HELLS: variants seen among roughly 807,000 people sequenced by gnomAD.
HELLS encodes the protein lymphoid-specific helicase.
HELLS carries 32 observed loss-of-function variants against 120.0 expected under a neutral mutation model. That is an observed-to-expected ratio of 0.27 (90% CI 0.20 to 0.36). The LOEUF (loss-of-function observed/expected upper bound fraction) is 0.36, where lower values mean the gene tolerates loss of function less well. Among genes scored for constraint, HELLS ranks in the 10% least tolerant of loss-of-function variants. HELLS has a pLI of 1.00. For synonymous variants in HELLS, 341 were observed against 323.4 expected, an observed-to-expected ratio of 1.05 and a Z score of -0.58; for missense variants, 650 against 993.4, an observed-to-expected ratio of 0.65 and a Z score of 4.65.
At chr10:94,560,389 C>T (rs1230992426) in intron 4 of HELLS, among the ~76,000 whole-genome samples, 2 of 152,250 alleles carry the variant, frequency 1.3e-5, no homozygotes, top group African/African-American at 2.4e-5. Flanking sequence ...TGCAACAAAA[C>T]CCATTATTTA....
intron 21 of HELLS, among the ~76,000 whole-genome samples, chr10:94,598,957 A>G (rs1845886847): frequency 6.6e-6 from 1 of 152,092 alleles, no homozygotes; most frequent in East Asian, 1.9e-4. Context: ...CCTTGATGCA[A>G]ATAATTTGAT....
intron 3 of HELLS, among the ~76,000 whole-genome samples, chr10:94,557,681 A>G (rs575577446): frequency 6.6e-5 from 10 of 152,304 alleles, no homozygotes; most frequent in South Asian, 4.2e-4. Flanking sequence ...TGAGAGAGAG[A>G]TAACAGCTGC....
intron 19 of HELLS, among the ~76,000 whole-genome samples, chr10:94,595,680 G>A (rs569881674): frequency 6.6e-6 from 1 of 152,142 alleles, no homozygotes; most frequent in East Asian, 1.9e-4. Flanking sequence ...AAAAAGTTTT[G>A]TTCCTGAGAT....
At chr10:94,588,430 A>G (rs572315124) in intron 13 of HELLS, 40 bp downstream of exon 13, 9 of 1,434,710 alleles carry the variant, frequency 6.3e-6, no homozygotes, top group East Asian at 5.0e-5. Flanking sequence ...GAAACTTGAC[A>G]TATAAAATTT....
intron 15 of HELLS, 84 bp from the exon 16 acceptor site, chr10:94,592,145 A>G: frequency 9.6e-7 from 1 of 1,043,670 alleles, no homozygotes; most frequent in Non-Finnish European, 1.4e-6. Context: ...TGGCTTTGAA[A>G]ATTGAACTTT....
chr10:94,555,013 T>C (rs1843180660), intron 3 of HELLS, among the ~76,000 whole-genome samples: 1 of 152,042 alleles, frequency 6.6e-6, no homozygotes, highest in South Asian at 2.1e-4. Context: ...TAAGGTGGCA[T>C]GTGCCTCTAG....
chr10:94,567,036 C>T lies in HELLS; in HGVS notation c.435+4160C>T, dbSNP rs567841606. On this transcript the variant is annotated intron_variant, in intron 6 of 21. Transcript: ENST00000348459. ...TTTCCTGCTCTCTTTTCCTCTTCGC[C>T]TAACTAAATTCTTTCCATTGTTTCA... Among the ~76,000 whole-genome samples the T allele has an allele frequency of 5.9e-5, 9 of 152,232 alleles. No individual in the cohort carries two copies. The East Asian group carries it at 1.7e-3, about 29-fold the overall frequency.
intron 2 of HELLS, 58 bp downstream of exon 2, chr10:94,546,556 C>G: frequency 1.2e-6 from 2 of 1,603,518 alleles, no homozygotes; most frequent in Non-Finnish European, 1.7e-6. Context: ...GGCTTTAACC[C>G]GGAGGTGTGG....
downstream of HELLS, among the ~76,000 whole-genome samples, chr10:94,605,703 C>G (rs564642349): frequency 2.7e-4 from 39 of 146,874 alleles, no homozygotes; most frequent in Non-Finnish European, 4.9e-4. Flanking sequence ...ATGAATACAG[C>G]TCACTGCAGC....
intron 6 of HELLS, among the ~76,000 whole-genome samples, chr10:94,566,349 G>C (rs1353120667): frequency 1.3e-5 from 2 of 152,030 alleles, no homozygotes; most frequent in Admixed American, 1.3e-4. Context: ...GTACAGGTAA[G>C]ATAGTGGGGG....
At chr10:94,588,102 C>A in intron 12 of HELLS, 127 bp from the exon 13 acceptor site, 2 of 491,262 alleles carry the variant, frequency 4.1e-6, no homozygotes, top group African/African-American at 2.0e-5. Flanking sequence ...ATATTTTCAC[C>A]TTTTGAGATT....
rs1203126708 is a variant in HELLS at position 94,546,512 on chromosome 10, C to T, written c.153+14C>T. On this transcript the variant is annotated intron_variant, in intron 2 of 21. Coordinates refer to ENST00000348459, the MANE Select transcript of HELLS (RefSeq NM_018063.5). ...ATGCTGGAAAAGGTAATTTAGGCATCAGGTTCGTCGTCGTGAAAGCCTGTG... is the reference window on the plus strand; with the variant it reads ...ATGCTGGAAAAGGTAATTTAGGCATTAGGTTCGTCGTCGTGAAAGCCTGTG... The T allele has an allele frequency of 1.9e-6, 3 of 1,613,756 alleles. No homozygotes were observed. Among genetic ancestry groups the T allele is most frequent in the East Asian group, 2.2e-5 (1 of 44,874 alleles).
chr10:94,554,062 A>G, intron 2 of HELLS, 64 bp from the exon 3 acceptor site: 1 of 1,442,464 alleles, frequency 6.9e-7, no homozygotes, highest in Non-Finnish European at 9.3e-7. Flanking sequence ...ATTAAACTTT[A>G]TGCCAAAAAA....
intron 10 of HELLS, among the ~76,000 whole-genome samples, chr10:94,580,617 A>G (rs1844822061): frequency 6.6e-6 from 1 of 152,206 alleles, no homozygotes; most frequent in East Asian, 1.9e-4. Context: ...ATACAGTACT[A>G]TAAACTTTTT....
At position 94,590,665 on chromosome 10, in the gene HELLS, A is replaced by C; in HGVS notation, c.1656A>C (p.Val552=). Residue 552 remains valine (V), a synonymous_variant, in exon 15 of 22, where the codon GTA becomes GTC. Coordinates refer to ENST00000348459, the MANE Select transcript of HELLS (RefSeq NM_018063.5). Reference sequence around the variant, plus strand: ...CTGTTGTGGAAGTGAATATCCCTGTAGAATCTGAAGTTAATCTGAAGCTGC... The same window carrying C: ...CTGTTGTGGAAGTGAATATCCCTGTCGAATCTGAAGTTAATCTGAAGCTGC... ...ERAVVEVNIP[V]ESEVNLKLQN... is the part of the protein sequence containing the mutation. 6.2e-7 allele frequency: 1 copy of C among 1,610,778 alleles called. No individual in the cohort carries two copies. The highest frequency in any genetic ancestry group is 8.5e-7 in the Non-Finnish European group (1 of 1,178,932).
At chr10:94,586,499 A>G (rs1461196758) in intron 12 of HELLS, among the ~76,000 whole-genome samples, 2 of 152,184 alleles carry the variant, frequency 1.3e-5, no homozygotes, top group Non-Finnish European at 2.9e-5. Context: ...TTGGGTTGGT[A>G]GATACCAACA....
chr10:94,579,212 T>C (rs2134070939), intron 10 of HELLS, among the ~76,000 whole-genome samples: 1 of 150,826 alleles, frequency 6.6e-6, no homozygotes, highest in East Asian at 1.9e-4. Flanking sequence ...TTTTTTTTTT[T>C]TTTTTTGAGG....
chr10:94,556,405 T>A (rs1334294714), intron 3 of HELLS, among the ~76,000 whole-genome samples: 3 of 152,222 alleles, frequency 2.0e-5, no homozygotes, highest in Non-Finnish European at 4.4e-5. Context: ...TTCTGTAGGT[T>A]ATTTTTTTTA....
chr10:94,583,064 T>C lies in HELLS; in HGVS notation c.1326+5T>C, dbSNP rs1367771272. 4 of 1,538,272 alleles carry C rather than the reference T, an allele frequency of 2.6e-6. No homozygotes were observed. The highest frequency in any genetic ancestry group is 1.8e-5 in the Admixed American group (1 of 56,020). Reference sequence around the variant, plus strand: ...GTATTGCATATGCTGCACCAGGTTTTCCATGTTTTCTTATTCTGCTTAACC... The same window carrying C: ...GTATTGCATATGCTGCACCAGGTTTCCCATGTTTTCTTATTCTGCTTAACC... On this transcript the variant is annotated splice_donor_5th_base_variant and intron_variant, in intron 12 of 21. Coordinates refer to ENST00000348459, the MANE Select transcript of HELLS (RefSeq NM_018063.5).
Sources: allele counts gnomAD v4.1 joint callset (sites outside exome capture counted in the v4.1 genomes callset), GRCh38; gene constraint gnomAD v4.1.1; transcripts MANE v1.5; gene names NCBI Gene and HGNC (gene_info 2026-07-23, HGNC 2026-07-21).